The following TENM4 variants were observed in gnomAD, a reference collection of about 807,000 sequenced individuals.
TENM4 encodes teneurin-4.
Under a neutral mutation model 243.3 loss-of-function variants are expected in TENM4, and 82 were observed. That is an observed-to-expected ratio of 0.34 (90% CI 0.28 to 0.40). The LOEUF is 0.40. Ranked by LOEUF, TENM4 falls within the 10% of genes least tolerant of loss-of-function variation. The probability of loss-of-function intolerance (pLI) is 1.00; values close to 1 mark genes in which losing one functional copy is unlikely to be tolerated. For missense variants in TENM4, 3,138 were observed against 3,673.3 expected (o/e 0.85, Z 3.77); for synonymous variants, 1,412 against 1,456.3 (o/e 0.97, Z 0.69).
At chr11:79,054,477 G>T (rs943181980) in intron 6 of TENM4, among the ~76,000 whole-genome samples, 1 of 151,998 alleles carries the variant, frequency 6.6e-6, no homozygotes, top group African/African-American at 2.4e-5. Context: ...ACATTCACAA[G>T]GTCCAGGCAT....
intron 3 of TENM4, among the ~76,000 whole-genome samples, chr11:79,162,015 G>A (rs1438476519): frequency 3.9e-5 from 6 of 152,172 alleles, no homozygotes; most frequent in Non-Finnish European, 8.8e-5. Context: ...GAAGGAACCG[G>A]ACCTGCCTCA....
rs79869024 is a variant in TENM4 at position 78,684,559 on chromosome 11, C to T, written c.5260+3495G>A. Among the ~76,000 whole-genome samples the T allele has an allele frequency of 1.8e-3, 278 of 152,244 alleles. 11 individuals are homozygous for T. In the East Asian group the frequency reaches 0.046, roughly 25 times the overall value. On this transcript the variant is annotated intron_variant, in intron 29 of 33. Coordinates refer to ENST00000278550, the MANE Select transcript of TENM4 (RefSeq NM_001098816.3). Reference sequence around the variant, plus strand: ...ACATACACACAGACACACACACACACATCATGGTGAACTTCTCTAGTGCTG... The same window carrying T: ...ACATACACACAGACACACACACACATATCATGGTGAACTTCTCTAGTGCTG...
At chr11:79,313,470 AC>A (rs1489902127) in intron 1 of TENM4, among the ~76,000 whole-genome samples, 1 of 152,222 alleles carries the variant, frequency 6.6e-6, no homozygotes, top group African/African-American at 2.4e-5. Context: ...CTGGTAATGG[AC>A]ACCAGAAAGC....
intron 3 of TENM4, among the ~76,000 whole-genome samples, chr11:79,156,854 C>T (rs1862631348): frequency 6.6e-6 from 1 of 152,128 alleles, no homozygotes; most frequent in Non-Finnish European, 1.5e-5. Context: ...CAAATATGCC[C>T]CCAAGTAACT....
At chr11:78,734,476 T>TC (rs1491365653) in intron 20 of TENM4, among the ~76,000 whole-genome samples, 6 of 130,052 alleles carry the variant, frequency 4.6e-5, no homozygotes, top group Non-Finnish European at 9.5e-5. Context: ...CTGTTAGAAC[T>TC]TTTTTTTTTT....
At chr11:79,350,614 T>TC (rs398115531) in intron 1 of TENM4, among the ~76,000 whole-genome samples, 6 of 150,216 alleles carry the variant, frequency 4.0e-5, no homozygotes, top group Non-Finnish European at 7.4e-5. Context: ...TTTTTTTTTT[T>TC]CCTTGGTAGA....
At chr11:79,363,123 T>G (rs7938376) in intron 1 of TENM4, among the ~76,000 whole-genome samples, 24,726 of 152,268 alleles carry the variant, frequency 0.16, 2,121 homozygotes, top group African/African-American at 0.18. Flanking sequence ...GAAAATATAT[T>G]AAAATAATAA....
chr11:78,816,646 G>A (rs1857609879), intron 12 of TENM4, among the ~76,000 whole-genome samples: 1 of 152,238 alleles, frequency 6.6e-6, no homozygotes, highest in Non-Finnish European at 1.5e-5. Flanking sequence ...CTTGCCCGAG[G>A]TCTCAGAGGG....
intron 4 of TENM4, among the ~76,000 whole-genome samples, chr11:79,078,246 T>C (rs887406906): frequency 2.0e-5 from 3 of 152,330 alleles, no homozygotes; most frequent in Admixed American, 1.3e-4. Context: ...TAAGTTTTCC[T>C]TAACATAAGC....
chr11:79,426,467 G>A (rs76954771), intron 1 of TENM4, among the ~76,000 whole-genome samples: 11,474 of 152,184 alleles, frequency 0.075, 512 homozygotes, highest in Non-Finnish European at 0.098. Flanking sequence ...TCAGCTCCAT[G>A]TGAATAAATG....
intron 6 of TENM4, among the ~76,000 whole-genome samples, chr11:79,026,568 T>C (rs915955852): frequency 1.3e-5 from 2 of 152,172 alleles, no homozygotes; most frequent in Non-Finnish European, 2.9e-5. Flanking sequence ...ACCTAATCAG[T>C]GGTGTTAGAA....
chr11:78,722,155 C>T (rs909487926), intron 24 of TENM4, among the ~76,000 whole-genome samples: 1 of 152,122 alleles, frequency 6.6e-6, no homozygotes. Flanking sequence ...GGACTACAGG[C>T]AGGTGCCACC....
intron 15 of TENM4, among the ~76,000 whole-genome samples, chr11:78,792,264 G>A (rs1857071810): frequency 6.6e-6 from 1 of 152,008 alleles, no homozygotes; most frequent in Admixed American, 6.5e-5. Context: ...TCAAACTTTG[G>A]GGCTACTACT....
chr11:78,894,103 G>A (rs1424521898), intron 7 of TENM4, among the ~76,000 whole-genome samples: 1 of 152,214 alleles, frequency 6.6e-6, no homozygotes, highest in Non-Finnish European at 1.5e-5. Flanking sequence ...CCGGCATACA[G>A]CAGGCACATA....
At chr11:79,324,463 G>T (rs1175075680) in intron 1 of TENM4, among the ~76,000 whole-genome samples, 1 of 152,018 alleles carries the variant, frequency 6.6e-6, no homozygotes, top group Non-Finnish European at 1.5e-5. Flanking sequence ...TGCCTCAAGT[G>T]ATCCTCCTGC....
chr11:78,785,178 G>C (rs1420616003), intron 16 of TENM4, among the ~76,000 whole-genome samples: 1 of 152,006 alleles, frequency 6.6e-6, no homozygotes, highest in East Asian at 1.9e-4. Flanking sequence ...AGAGTTTAAA[G>C]AAGAGGCCCC....
intron 28 of TENM4, among the ~76,000 whole-genome samples, chr11:78,694,280 G>C (rs1401370068): frequency 6.6e-6 from 1 of 152,144 alleles, no homozygotes; most frequent in East Asian, 1.9e-4. Flanking sequence ...CCATGTCAGG[G>C]AACTGGGCAC....
At chr11:79,437,497 A>T (rs1036556030) in intron 1 of TENM4, among the ~76,000 whole-genome samples, 1 of 152,026 alleles carries the variant, frequency 6.6e-6, no homozygotes, top group Non-Finnish European at 1.5e-5. Context: ...TCTCGGCTCC[A>T]GTTTCCCGCC....
chr11:79,432,247 C>T (rs1364979087), intron 1 of TENM4, among the ~76,000 whole-genome samples: 1 of 152,110 alleles, frequency 6.6e-6, no homozygotes, highest in African/African-American at 2.4e-5. Context: ...CTTCTTCCTC[C>T]CTCATCTCTG....
Sources: allele counts gnomAD v4.1 joint callset (sites outside exome capture counted in the v4.1 genomes callset), GRCh38; gene constraint gnomAD v4.1.1; transcripts MANE v1.5; gene names NCBI Gene and HGNC (gene_info 2026-07-23, HGNC 2026-07-21).